SPART: variants seen among roughly 807,000 people sequenced by gnomAD.
The protein encoded by SPART is spartin.
Under a neutral mutation model 58.7 loss-of-function variants are expected in SPART, and 35 were observed. The observed-to-expected ratio is 0.60, with a 90% CI of 0.46 to 0.79. SPART has a LOEUF of 0.79. Ranked by LOEUF, SPART falls within the 30% of genes least tolerant of loss-of-function variation. The pLI, the probability that SPART is intolerant of heterozygous loss-of-function variation, is 0.00. For missense variants in SPART, 730 were observed against 786.1 expected (o/e 0.93, Z 0.85); for synonymous variants, 284 against 280.7 (o/e 1.01, Z -0.12).
rs764096318 is a variant in SPART, at chr13:36,335,183, C to T, written c.648G>A (p.Leu216=). The T allele has an allele frequency of 2.5e-5, 41 of 1,613,974 alleles. No homozygotes were observed. Among genetic ancestry groups the T allele is most frequent in the Non-Finnish European group, 2.1e-5 (25 of 1,180,004 alleles). ...SQPPPLETLG[L]DADELILIPN... Reference sequence around the variant, plus strand: ...GTATCAAAATCAATTCATCTGCATCCAGCCCTAAGGTCTCAAGAGGCGGTG... The same window carrying T: ...GTATCAAAATCAATTCATCTGCATCTAGCCCTAAGGTCTCAAGAGGCGGTG... Residue 216 remains leucine (L), a synonymous_variant, in exon 2 of 9, where the codon CTG becomes CTA. Transcript: ENST00000438666.
At chr13:36,318,937 C>T (rs1184240207) in intron 5 of SPART, among the ~76,000 whole-genome samples, 1 of 152,144 alleles carries the variant, frequency 6.6e-6, no homozygotes, top group Non-Finnish European at 1.5e-5. Context: ...CCGATCGCCT[C>T]GGAAGCCCCC....
intron 8 of SPART, among the ~76,000 whole-genome samples, chr13:36,307,186 G>A (rs1880591996): frequency 6.6e-6 from 1 of 151,934 alleles, no homozygotes; most frequent in Non-Finnish European, 1.5e-5. Context: ...TTTAATTAGA[G>A]CTCATTAAGT....
intron 5 of SPART, among the ~76,000 whole-genome samples, chr13:36,325,259 TA>T (rs1882817409): frequency 6.6e-6 from 1 of 152,200 alleles, no homozygotes. Flanking sequence ...GGTAGGGTAG[TA>T]AAAGTGAAAA....
intron 3 of SPART, among the ~76,000 whole-genome samples, 184 bp downstream of exon 3, chr13:36,331,215 G>A (rs994069845): frequency 2.0e-5 from 3 of 152,194 alleles, no homozygotes; most frequent in African/African-American, 7.2e-5. Flanking sequence ...TTTGACTCTA[G>A]AGCTCACAAT....
At chr13:36,353,728 C>T (rs1314861684) in intron 1 of SPART, among the ~76,000 whole-genome samples, 3 of 152,106 alleles carry the variant, frequency 2.0e-5, no homozygotes, top group Non-Finnish European at 2.9e-5. Context: ...AGCAGTCACT[C>T]GTATTAGCCA....
intron 5 of SPART, among the ~76,000 whole-genome samples, chr13:36,315,972 A>C: frequency 6.6e-6 from 1 of 152,372 alleles, no homozygotes; most frequent in Admixed American, 6.5e-5. Context: ...GGAAGTATAC[A>C]GTATACATAA....
chr13:36,362,304 A>T (rs890849780), intron 1 of SPART, among the ~76,000 whole-genome samples: 1 of 148,424 alleles, frequency 6.7e-6, no homozygotes, highest in Non-Finnish European at 1.5e-5. Flanking sequence ...GTGAGCTGCA[A>T]TTACGCCACT....
intron 2 of SPART, among the ~76,000 whole-genome samples, 182 bp downstream of exon 2, chr13:36,334,839 A>T (rs913001158): frequency 2.6e-5 from 4 of 152,134 alleles, no homozygotes; most frequent in Admixed American, 2.0e-4. Flanking sequence ...TATCTTTTTT[A>T]AAAAAAGAAA....
At chr13:36,321,302 G>A (rs1221368332) in intron 5 of SPART, among the ~76,000 whole-genome samples, 1 of 152,094 alleles carries the variant, frequency 6.6e-6, no homozygotes, top group Non-Finnish European at 1.5e-5. Context: ...ATCTCCTGGT[G>A]CTGTCCCCAA....
intron 5 of SPART, among the ~76,000 whole-genome samples, chr13:36,325,430 G>T (rs1882833734): frequency 6.6e-6 from 1 of 152,026 alleles, no homozygotes; most frequent in African/African-American, 2.4e-5. Flanking sequence ...AATTATTTTA[G>T]CTTGTTGGTT....
At chr13:36,338,189 C>T (rs970364015) in intron 1 of SPART, among the ~76,000 whole-genome samples, 9 of 152,084 alleles carry the variant, frequency 5.9e-5, no homozygotes, top group African/African-American at 1.9e-4. Context: ...TGTATATATA[C>T]ATAAAAATCA....
intron 6 of SPART, 88 bp downstream of exon 6, chr13:36,314,139 C>CATCTAAATGAACATGCAGATTAACCCTGG: frequency 7.7e-7 from 1 of 1,294,410 alleles, no homozygotes; most frequent in Non-Finnish European, 1.1e-6. Flanking sequence ...GAGATTAAAC[C>CATCTAAATGAACATGCAGATTAACCCTGG]ATCTAAATGA....
chr13:36,335,851 A>G lies in SPART; in HGVS notation c.-2-19T>C. ...TCCATTTCTGCAAAATTGGAGACAT[A>G]TTTAATTATCTTGCTTAGCTATTGT... On this transcript the variant is annotated intron_variant, in intron 1 of 8. Coordinates refer to ENST00000438666, the MANE Select transcript of SPART (RefSeq NM_015087.5). 1 of 1,582,448 alleles carries G rather than the reference A, an allele frequency of 6.3e-7. No individual in the cohort carries two copies. Among genetic ancestry groups the G allele is most frequent in the Middle Eastern group, 2.2e-4 (1 of 4,612 alleles).
chr13:36,349,323 G>GT (rs1885321980), upstream of SPART, among the ~76,000 whole-genome samples: 1 of 152,164 alleles, frequency 6.6e-6, no homozygotes, highest in African/African-American at 2.4e-5. Flanking sequence ...TATGAGGTAT[G>GT]TTTATGTTCA....
chr13:36,339,887 T>C (rs1017117780), intron 1 of SPART, among the ~76,000 whole-genome samples: 9 of 151,860 alleles, frequency 5.9e-5, no homozygotes, highest in African/African-American at 1.7e-4. Flanking sequence ...GGCAACATAG[T>C]GAGACCAGCT....
chr13:36,306,902 T>C (rs759254367), intron 8 of SPART, among the ~76,000 whole-genome samples: 3 of 152,232 alleles, frequency 2.0e-5, no homozygotes, highest in Non-Finnish European at 4.4e-5. Flanking sequence ...AAAGCAGTTT[T>C]AAAATTCTAA....
chr13:36,365,205 G>A (rs951553226), intron 1 of SPART, among the ~76,000 whole-genome samples: 2 of 152,174 alleles, frequency 1.3e-5, no homozygotes, highest in Non-Finnish European at 2.9e-5. Context: ...ATGCATTATT[G>A]GTTATTTTTA....
intron 5 of SPART, among the ~76,000 whole-genome samples, chr13:36,317,972 C>A (rs1303666646): frequency 6.6e-6 from 1 of 152,120 alleles, no homozygotes; most frequent in South Asian, 2.1e-4. Context: ...ACACATCAGT[C>A]CCTTCCTAGT....
Position 36,304,306 on chromosome 13 carries a change from A to G in SPART, c.*59T>C, listed in dbSNP as rs1176230130. ...TCTGTGAGGAATTCCACATTTGCCT[A>G]TTTAACAAAATTTCATCCATTTCAT... On this transcript the variant is annotated 3_prime_UTR_variant, in exon 9 of 9. Coordinates refer to ENST00000438666, the MANE Select transcript of SPART (RefSeq NM_015087.5). The G allele has an allele frequency of 6.2e-6, 10 of 1,603,292 alleles. No individual in the cohort carries two copies. The African/African-American group carries it at 1.1e-4, about 17-fold the overall frequency.
Sources: gnomAD v4.1 joint callset for allele counts (sites outside exome capture counted in the v4.1 genomes callset) on GRCh38, gnomAD v4.1.1 for gene constraint, MANE v1.5 for transcripts, NCBI Gene and HGNC (gene_info 2026-07-23, HGNC 2026-07-21) for gene names.